FAM78A: variants seen among roughly 807,000 people sequenced by gnomAD.
FAM78A encodes the protein family with sequence similarity 78 member A.
A neutral mutation model predicts 22.6 loss-of-function variants in FAM78A; 12 were observed. The ratio of observed to expected loss-of-function variants is 0.53; its 90% CI spans 0.34 to 0.86. FAM78A has a LOEUF of 0.86. Among genes scored for constraint, FAM78A ranks in the 40% least tolerant of loss-of-function variants. The pLI, the probability that FAM78A is intolerant of heterozygous loss-of-function variation, is 0.02. For missense variants in FAM78A, 322 were observed against 396.1 expected (o/e 0.81, Z 1.59); for synonymous variants, 151 against 155.8 (o/e 0.97, Z 0.23).
At chr9:131,270,625 C>T (rs1835406655) in intron 1 of FAM78A, 4 of 679,510 alleles carry the variant, frequency 5.9e-6, no homozygotes, top group Non-Finnish European at 8.3e-6. Context: ...ACCCACCCCG[C>T]CCTTGCCTCC....
Position 131,274,072 on chromosome 9 carries a change from T to C in FAM78A, c.323+1785A>G, listed in dbSNP as rs1187442441. ...TAGCTCCAGCCACATCACCCACACC[T>C]ACTCAGGGTCACCAGATGGAGAACA... On this transcript the variant is annotated intron_variant, in intron 1 of 1. Coordinates refer to ENST00000372271, the MANE Select transcript of FAM78A (RefSeq NM_033387.4). This position sits in a 1 kb window ranked among gnomAD's most constrained non-coding sequence, Gnocchi z 4.2. Among the ~76,000 whole-genome samples the C allele has an allele frequency of 6.6e-6, 1 of 152,178 alleles. No individual in the cohort carries two copies. Among genetic ancestry groups the C allele is most frequent in the Non-Finnish European group, 1.5e-5 (1 of 68,038 alleles).
chr9:131,277,191 TC>T (rs1262318115), upstream of FAM78A, among the ~76,000 whole-genome samples: 1 of 151,240 alleles, frequency 6.6e-6, no homozygotes, highest in African/African-American at 2.4e-5. This position sits in a 1 kb window ranked among gnomAD's most constrained non-coding sequence, Gnocchi z 8.4. Flanking sequence ...GCTGATACCG[TC>T]CCGGACGGGC....
Position 131,276,275 on chromosome 9 carries a change from T to A in FAM78A, c.-96A>T. The A allele has an allele frequency of 9.9e-7, 1 of 1,010,384 alleles. No individual in the cohort carries two copies. Among genetic ancestry groups the A allele is most frequent in the Non-Finnish European group, 1.4e-6 (1 of 692,420 alleles). 62.6% of individuals were successfully genotyped at this position (1,010,384 alleles called of 1,614,324 possible). ...TCCATAGGATAGAAAACTCACTGAGTAGACTGGGGTTGCATATATCACTAC... is the reference window on the plus strand; with the variant it reads ...TCCATAGGATAGAAAACTCACTGAGAAGACTGGGGTTGCATATATCACTAC... On this transcript the variant is annotated 5_prime_UTR_variant, in exon 1 of 2. Coordinates refer to ENST00000372271, the MANE Select transcript of FAM78A (RefSeq NM_033387.4). This position sits in a 1 kb window ranked among gnomAD's most constrained non-coding sequence, Gnocchi z 4.3.
At position 131,275,094 on chromosome 9, in the gene FAM78A, C is replaced by T. The variant is rs1270091610; in HGVS notation, c.323+763G>A. Reference sequence around the variant, plus strand: ...GTCAGGAAGCAGGCCAGGAAAGGAGCCCCAGGGTCCCAGGGTCCTCACCGG... The same window carrying T: ...GTCAGGAAGCAGGCCAGGAAAGGAGTCCCAGGGTCCCAGGGTCCTCACCGG... On this transcript the variant is annotated intron_variant, in intron 1 of 1. Coordinates refer to ENST00000372271, the MANE Select transcript of FAM78A (RefSeq NM_033387.4). This position sits in a 1 kb window ranked among gnomAD's most constrained non-coding sequence, Gnocchi z 4.6. Among the ~76,000 whole-genome samples the T allele has an allele frequency of 6.6e-6, 1 of 152,168 alleles. No individual in the cohort carries two copies. Among genetic ancestry groups the T allele is most frequent in the East Asian group, 1.9e-4 (1 of 5,200 alleles).
In FAM78A at chr9:131,258,804, T is replaced by G. The variant is rs1835221663; in HGVS notation, c.*2018A>C. The G allele has an allele frequency of 6.6e-6, 1 of 152,234 alleles. No individual in the cohort carries two copies. Among genetic ancestry groups the G allele is most frequent in the Non-Finnish European group, 1.5e-5 (1 of 68,062 alleles). The allele number at this position is 152,234 out of a possible 1,614,324, so 9.4% of individuals were successfully genotyped here. ...CCACTGTTCCCCTAAGGCTACTGCC[T>G]TTCGGGGTGGCACGGCCTCCATCCT... On this transcript the variant is annotated 3_prime_UTR_variant, in exon 2 of 2. Coordinates refer to ENST00000372271, the MANE Select transcript of FAM78A (RefSeq NM_033387.4).
upstream of FAM78A, among the ~76,000 whole-genome samples, chr9:131,278,178 C>G (rs1835509336): frequency 6.6e-6 from 1 of 151,978 alleles, no homozygotes; most frequent in Non-Finnish European, 1.5e-5. Flanking sequence ...TCTGCAGCTG[C>G]TCGGGGAGCT....
chr9:131,262,016 T>C (rs143845343), intron 1 of FAM78A, among the ~76,000 whole-genome samples: 2,647 of 151,032 alleles, frequency 0.018, 67 homozygotes, highest in African/African-American at 0.053. Context: ...CACTTGAGGT[T>C]AGGAGTTCAA....
At position 131,276,277 on chromosome 9, in the gene FAM78A, G is replaced by T; in HGVS notation, c.-98C>A. On this transcript the variant is annotated 5_prime_UTR_variant, in exon 1 of 2. Transcript: ENST00000372271. The surrounding 1 kb of genome is among the most constrained non-coding windows in gnomAD (Gnocchi z 4.3). The stretch of plus-strand genomic sequence containing the variant: ...CATAGGATAGAAAACTCACTGAGTA[G>T]ACTGGGGTTGCATATATCACTACCG... 1 of 990,396 alleles carries T rather than the reference G, an allele frequency of 1.0e-6. No individual in the cohort carries two copies. Among genetic ancestry groups the T allele is most frequent in the Non-Finnish European group, 1.5e-6 (1 of 675,460 alleles). 61.4% of individuals were successfully genotyped at this position (990,396 alleles called of 1,614,324 possible). A position where few individuals can be genotyped will look rare whatever the true frequency, so the allele number is the denominator to read the frequency against.
At chr9:131,267,324 G>A (rs1000567899) in intron 1 of FAM78A, among the ~76,000 whole-genome samples, 6 of 152,168 alleles carry the variant, frequency 3.9e-5, no homozygotes, top group Non-Finnish European at 8.8e-5. Flanking sequence ...AACCCAGGAG[G>A]TCAAGACCAG....
chr9:131,274,893 C>T lies in FAM78A; in HGVS notation c.323+964G>A, dbSNP rs1303979565. Among the ~76,000 whole-genome samples, 1 of 152,192 alleles carries T rather than the reference C, an allele frequency of 6.6e-6. No individual in the cohort carries two copies. The highest frequency in any genetic ancestry group is 2.4e-5 in the African/African-American group (1 of 41,434). ...TTCTGGGAGTGTCAGCGGCCAGTCA[C>T]GGGGCCGCATGGGTGGGCTGCCCGC... is the stretch of plus-strand genomic sequence containing the variant. On this transcript the variant is annotated intron_variant, in intron 1 of 1. Transcript: ENST00000372271. This position sits in a 1 kb window ranked among gnomAD's most constrained non-coding sequence, Gnocchi z 4.2.
chr9:131,267,534 T>G (rs1166569052), intron 1 of FAM78A, among the ~76,000 whole-genome samples: 1 of 151,854 alleles, frequency 6.6e-6, no homozygotes, highest in Non-Finnish European at 1.5e-5. Context: ...ACCCTGTCTC[T>G]GAAAGAAACA....
chr9:131,263,807 A>G (rs1214627852), intron 1 of FAM78A: 1 of 152,566 alleles, frequency 6.6e-6, no homozygotes, highest in Admixed American at 6.5e-5. Context: ...CTCACTCATT[A>G]GAGTAACACC....
upstream of FAM78A, among the ~76,000 whole-genome samples, chr9:131,276,937 C>G (rs1272417052): frequency 4.0e-5 from 6 of 149,352 alleles, no homozygotes; most frequent in African/African-American, 1.5e-4. This position sits in a 1 kb window ranked among gnomAD's most constrained non-coding sequence, Gnocchi z 4.3. Flanking sequence ...CCGCGGCCGC[C>G]GAGGACCTGG....
In FAM78A at chr9:131,275,910, C is replaced by A. The variant is rs1393932947; in HGVS notation, c.270G>T (p.Trp90Cys). The change falls in exon 1 of 2, where the codon TGG becomes TGT. Residue 90 changes from tryptophan (W) to cysteine (C), a missense_variant. Transcript: ENST00000372271. The surrounding 1 kb of genome is among the most constrained non-coding windows in gnomAD (Gnocchi z 4.6). Reference sequence around the variant, plus strand: ...ACTCCATGTGGCTGCACGCCTGGATCCAGCCAACTACCCAAGTCTCCTTCT... The same window carrying A: ...ACTCCATGTGGCTGCACGCCTGGATACAGCCAACTACCCAAGTCTCCTTCT... ...IPKKETWVVG[W>C]IQACSHMEFY... 1 of 1,612,164 alleles carries A rather than the reference C, an allele frequency of 6.2e-7. No individual in the cohort carries two copies. The highest frequency in any genetic ancestry group is 1.3e-5 in the African/African-American group (1 of 74,902).
At chr9:131,270,490 G>A (rs1291556035) in intron 1 of FAM78A, 1 of 716,322 alleles carries the variant, frequency 1.4e-6, no homozygotes, top group East Asian at 2.7e-5. Context: ...CCAGTGCTTG[G>A]AAGGTGGATG....
upstream of FAM78A, among the ~76,000 whole-genome samples, chr9:131,280,272 G>A (rs1049802631): frequency 4.6e-5 from 7 of 151,800 alleles, no homozygotes; most frequent in East Asian, 2.0e-4. Context: ...CCCAGCTCGC[G>A]GCCCCTCCGG....
At chr9:131,277,395 G>A (rs949011828), upstream of FAM78A, among the ~76,000 whole-genome samples, 7 of 151,938 alleles carry the variant, frequency 4.6e-5, no homozygotes, top group Non-Finnish European at 7.4e-5. This position sits in a 1 kb window ranked among gnomAD's most constrained non-coding sequence, Gnocchi z 8.4. Flanking sequence ...CTCGGCCCTC[G>A]GAGGGCATAG....
At chr9:131,262,314 A>AAG (rs1194630976) in intron 1 of FAM78A, among the ~76,000 whole-genome samples, 1,767 of 151,114 alleles carry the variant, frequency 0.012, 55 homozygotes, top group African/African-American at 0.041. Context: ...TGTCTCCAAA[A>AAG]AAAAAAAAAA....
intron 1 of FAM78A, chr9:131,263,401 G>A (rs1210006552): frequency 3.9e-5 from 6 of 152,274 alleles, no homozygotes; most frequent in Non-Finnish European, 8.8e-5. Flanking sequence ...TCAGGAGTTC[G>A]AGACCAGGCT....
Sources: allele counts gnomAD v4.1 joint callset (sites outside exome capture counted in the v4.1 genomes callset), GRCh38; gene constraint gnomAD v4.1.1; non-coding constraint Gnocchi (gnomAD v3.1); transcripts MANE v1.5; gene names NCBI Gene and HGNC (gene_info 2026-07-23, HGNC 2026-07-21).